Variants in DPP10 observed in about 807,000 individuals in gnomAD.
DPP10 encodes the protein dipeptidyl peptidase like 10.
In DPP10, 33 loss-of-function variants were observed where a neutral mutation model predicts 120.9. The observed-to-expected ratio is 0.27, with a 90% confidence interval of 0.21 to 0.37. The LOEUF (loss-of-function observed/expected upper bound fraction) is 0.37, where lower values mean the gene tolerates loss of function less well. DPP10 is among the 10% of genes least tolerant of loss of function. The pLI, the probability that DPP10 is intolerant of heterozygous loss-of-function variation, is 1.00. For missense variants in DPP10, 816 were observed against 942.8 expected (o/e 0.87, Z 1.76); for synonymous variants, 337 against 326.1 (o/e 1.03, Z -0.36).
intron 1 of DPP10, among the ~76,000 whole-genome samples, chr2:114,824,474 G>A (rs1179295334): frequency 6.6e-6 from 1 of 152,204 alleles, no homozygotes; most frequent in Non-Finnish European, 1.5e-5. Flanking sequence ...AAAAGGCAAA[G>A]AAATAAATAC....
At chr2:115,272,858 C>G (rs950188527) in intron 1 of DPP10, among the ~76,000 whole-genome samples, 1 of 152,172 alleles carries the variant, frequency 6.6e-6, no homozygotes, top group East Asian at 1.9e-4. Flanking sequence ...TTCCATGTTC[C>G]GTTTCTTTTC....
chr2:115,000,265 C>G (rs555976705), intron 1 of DPP10, among the ~76,000 whole-genome samples: 1 of 151,820 alleles, frequency 6.6e-6, no homozygotes, highest in African/African-American at 2.4e-5. Context: ...ATTCATTAAA[C>G]TTTAAGTTAG....
At chr2:115,385,233 G>A (rs1415844660) in intron 3 of DPP10, among the ~76,000 whole-genome samples, 2 of 152,154 alleles carry the variant, frequency 1.3e-5, no homozygotes, top group Non-Finnish European at 2.9e-5. Context: ...CCCATACCTG[G>A]GAGGAAGGAG....
chr2:115,541,530 T>A (rs1357616842), intron 5 of DPP10, among the ~76,000 whole-genome samples: 3 of 151,796 alleles, frequency 2.0e-5, no homozygotes, highest in Non-Finnish European at 2.9e-5. Flanking sequence ...AAATTTAACC[T>A]TTTATGCGTT....
intron 5 of DPP10, among the ~76,000 whole-genome samples, chr2:115,573,696 G>C (rs2081486581): frequency 6.8e-6 from 1 of 146,762 alleles, no homozygotes; most frequent in Non-Finnish European, 1.5e-5. Flanking sequence ...TAAGCAATTA[G>C]AGGTGTGTGC....
intron 1 of DPP10, among the ~76,000 whole-genome samples, chr2:114,973,061 C>T (rs1699502056): frequency 6.6e-6 from 1 of 151,454 alleles, no homozygotes; most frequent in Non-Finnish European, 1.5e-5. Flanking sequence ...AGTCATATAC[C>T]ATGTAATCAT....
intron 1 of DPP10, among the ~76,000 whole-genome samples, chr2:115,033,520 A>C (rs1703995036): frequency 6.6e-6 from 1 of 152,118 alleles, no homozygotes; most frequent in Non-Finnish European, 1.5e-5. Context: ...TCCTCACAGC[A>C]ATGGTCACTT....
chr2:115,441,703 C>T (rs1312457435), intron 3 of DPP10, among the ~76,000 whole-genome samples: 1 of 152,066 alleles, frequency 6.6e-6, no homozygotes, highest in Non-Finnish European at 1.5e-5. Flanking sequence ...ATTTAGACTG[C>T]ATACATGTGG....
intron 1 of DPP10, among the ~76,000 whole-genome samples, chr2:115,138,735 A>C (rs2050772453): frequency 6.6e-6 from 1 of 152,192 alleles, no homozygotes; most frequent in Non-Finnish European, 1.5e-5. Context: ...GACAATTTTA[A>C]AAGGCATTTT....
intron 1 of DPP10, among the ~76,000 whole-genome samples, chr2:115,103,211 G>A (rs1419862911): frequency 7.7e-5 from 10 of 130,022 alleles, no homozygotes; most frequent in African/African-American, 1.5e-4. Flanking sequence ...TTTTTGAGAC[G>A]GAGTCTCACT....
intron 1 of DPP10, among the ~76,000 whole-genome samples, chr2:115,249,175 G>C (rs2058654746): frequency 6.6e-6 from 1 of 152,122 alleles, no homozygotes; most frequent in African/African-American, 2.4e-5. Context: ...ATACACAGAT[G>C]AATCTGACAC....
In DPP10 at chr2:114,457,885, A is replaced by T. The variant is rs182227024; in HGVS notation, c.60+15047A>T. ...GCTGAGGATGGTTAGTGTTCCTTTTAAAATAGTAACAAATAATGTTCTCTG... is the reference window on the plus strand; with the variant it reads ...GCTGAGGATGGTTAGTGTTCCTTTTTAAATAGTAACAAATAATGTTCTCTG... On this transcript the variant is annotated intron_variant, in intron 1 of 25. Coordinates refer to ENST00000410059, the MANE Select transcript of DPP10 (RefSeq NM_020868.6). Among the ~76,000 whole-genome samples, 280 of 152,292 alleles carry T rather than the reference A, an allele frequency of 1.8e-3. 2 individuals carry two copies. Among genetic ancestry groups the T allele is most frequent in the South Asian group, 5.6e-3 (27 of 4,828 alleles).
intron 1 of DPP10, among the ~76,000 whole-genome samples, chr2:114,631,955 T>C (rs1694958882): frequency 6.6e-6 from 1 of 152,228 alleles, no homozygotes; most frequent in African/African-American, 2.4e-5. Context: ...ATTCGTTGCT[T>C]TTTATTCCAC....
At chr2:115,636,145 C>CA (rs568939069) in intron 5 of DPP10, among the ~76,000 whole-genome samples, 1,525 of 106,646 alleles carry the variant, frequency 0.014, 10 homozygotes, top group African/African-American at 0.036. Flanking sequence ...AGTCTAATCG[C>CA]AAAAAAAAAA....
intron 8 of DPP10, among the ~76,000 whole-genome samples, chr2:115,739,230 C>G (rs2149687963): frequency 6.6e-6 from 1 of 151,888 alleles, no homozygotes. Flanking sequence ...GCTTTCTGGA[C>G]CAGAAAGCGG....
At chr2:114,941,321 C>T (rs1696879505) in intron 1 of DPP10, among the ~76,000 whole-genome samples, 1 of 152,116 alleles carries the variant, frequency 6.6e-6, no homozygotes, top group Admixed American at 6.6e-5. Context: ...TTTAGGGACT[C>T]AGTTCCTGTT....
chr2:114,566,389 A>G (rs1430406250), intron 1 of DPP10, among the ~76,000 whole-genome samples: 4 of 152,250 alleles, frequency 2.6e-5, no homozygotes, highest in Non-Finnish European at 5.9e-5. Context: ...AAATAATTTT[A>G]TATGTGCAAG....
At chr2:115,183,436 G>A (rs72839218) in intron 1 of DPP10, among the ~76,000 whole-genome samples, 3,025 of 152,214 alleles carry the variant, frequency 0.02, 42 homozygotes, top group South Asian at 0.045. Flanking sequence ...CTCAGGCTTT[G>A]AAATTACCTG....
chr2:115,044,749 T>C (rs1325920129), intron 1 of DPP10, among the ~76,000 whole-genome samples: 1 of 152,162 alleles, frequency 6.6e-6, no homozygotes, highest in Non-Finnish European at 1.5e-5. Flanking sequence ...CCATTCTCAG[T>C]TTCCCCTGCA....
Sources: gnomAD v4.1 joint callset for allele counts (sites outside exome capture counted in the v4.1 genomes callset) on GRCh38, gnomAD v4.1.1 for gene constraint, MANE v1.5 for transcripts, NCBI Gene and HGNC (gene_info 2026-07-23, HGNC 2026-07-21) for gene names.